Variants in ABI3BP observed in about 807,000 individuals in gnomAD.
ABI3BP encodes the protein target of Nesh-SH3.
ABI3BP carries 216 observed loss-of-function variants against 268.6 expected under a neutral mutation model. The ratio of observed to expected loss-of-function variants is 0.80; its 90% CI spans 0.72 to 0.90. The LOEUF (loss-of-function observed/expected upper bound fraction) is 0.90. Ranked by LOEUF, ABI3BP falls within the 40% of genes least tolerant of loss-of-function variation. ABI3BP has a pLI of 0.00. For missense variants in ABI3BP, 2,090 were observed against 2,182.4 expected (o/e 0.96, Z 0.84); for synonymous variants, 730 against 730.0 (o/e 1.00, Z 0.00).
chr3:100,885,695 T>C, intron 5 of ABI3BP, 107 bp from the exon 6 acceptor site: 1 of 617,516 alleles, frequency 1.6e-6, no homozygotes, highest in South Asian at 2.7e-5. Context: ...AACTTGGATG[T>C]ATAATTTTAA....
intron 10 of ABI3BP, among the ~76,000 whole-genome samples, chr3:100,865,661 G>A (rs2099043746): frequency 6.6e-6 from 1 of 152,212 alleles, no homozygotes. Flanking sequence ...GTAATAAGTT[G>A]TGGTGTTTTC....
chr3:100,830,142 TATATATATATATATATATATATAA>T (rs1210308693), intron 32 of ABI3BP, among the ~76,000 whole-genome samples: 4 of 62,696 alleles, frequency 6.4e-5, no homozygotes, highest in African/African-American at 1.8e-4. Context: ...TATATATATA[TATATATATATATATATATATATAA>T]AATGCAGATA....
intron 63 of ABI3BP, among the ~76,000 whole-genome samples, chr3:100,759,561 G>A (rs1432278586): frequency 1.3e-5 from 2 of 152,046 alleles, no homozygotes; most frequent in Non-Finnish European, 2.9e-5. Flanking sequence ...ACTTCTGTGG[G>A]GACACAAATT....
chr3:100,963,836 C>G (rs1378821271), intron 1 of ABI3BP, among the ~76,000 whole-genome samples: 1 of 152,156 alleles, frequency 6.6e-6, no homozygotes, highest in Non-Finnish European at 1.5e-5. Context: ...CATTCACTAA[C>G]CAGCCCTGAA....
At chr3:100,802,907 G>T (rs764124670) in intron 51 of ABI3BP, among the ~76,000 whole-genome samples, 3 of 146,010 alleles carry the variant, frequency 2.1e-5, no homozygotes, top group Non-Finnish European at 4.7e-5. Flanking sequence ...CAAAGTATTG[G>T]GTTCATTAGG....
At chr3:100,832,847 T>C (rs963937548) in intron 30 of ABI3BP, among the ~76,000 whole-genome samples, 1 of 152,192 alleles carries the variant, frequency 6.6e-6, no homozygotes, top group Non-Finnish European at 1.5e-5. Flanking sequence ...GTTGGTGCTC[T>C]AAATAAGGAA....
chr3:100,874,909 T>C lies in ABI3BP; in HGVS notation c.842A>G (p.Asn281Ser). The C allele has an allele frequency of 6.3e-7, 1 of 1,597,408 alleles. No individual in the cohort carries two copies. The highest frequency in any genetic ancestry group is 1.1e-5 in the South Asian group (1 of 88,334). Residue 281 changes from asparagine (N) to serine (S), a missense_variant, in exon 9 of 68, where the codon AAT becomes AGT. By Grantham distance (46) the Asn-to-Ser change is conservative. Transcript: ENST00000471714. ...TGCAGGAAGTTTTACAGTAGTTTCA[T>C]TAAGACCTGGAATAATAAGGTGGAC... ...ILVHLIIPGLNETTVKLPASL... is the reference protein window; with the variant it reads ...ILVHLIIPGLSETTVKLPASL...
chr3:100,879,103 C>T (rs1460117556), intron 6 of ABI3BP, among the ~76,000 whole-genome samples: 1 of 152,186 alleles, frequency 6.6e-6, no homozygotes, highest in Non-Finnish European at 1.5e-5. Flanking sequence ...TGCGATAGCA[C>T]TCTAAAGCTT....
intron 38 of ABI3BP, 94 bp downstream of exon 38, chr3:100,822,495 G>C (rs2098259944): frequency 9.6e-7 from 1 of 1,044,874 alleles, no homozygotes. Flanking sequence ...CCTCTCACAG[G>C]GGCCTATTGG....
At chr3:100,924,994 G>A (rs2061404282) in intron 2 of ABI3BP, among the ~76,000 whole-genome samples, 1 of 152,164 alleles carries the variant, frequency 6.6e-6, no homozygotes, top group Non-Finnish European at 1.5e-5. Flanking sequence ...ATTGAATAGA[G>A]TGGAGACTTC....
intron 49 of ABI3BP, among the ~76,000 whole-genome samples, chr3:100,808,869 C>T (rs1415056880): frequency 2.0e-5 from 3 of 151,918 alleles, no homozygotes; most frequent in Admixed American, 6.6e-5. Flanking sequence ...AAAAATCTAT[C>T]CTGCTGAAGG....
intron 6 of ABI3BP, among the ~76,000 whole-genome samples, chr3:100,879,610 C>A (rs367681112): frequency 2.0e-5 from 3 of 152,320 alleles, no homozygotes; most frequent in African/African-American, 7.2e-5. Flanking sequence ...ATGAATGGAA[C>A]AACGTTTCTG....
At chr3:100,895,812 C>G (rs991863043) in intron 4 of ABI3BP, among the ~76,000 whole-genome samples, 3 of 152,166 alleles carry the variant, frequency 2.0e-5, no homozygotes, top group Non-Finnish European at 4.4e-5. Flanking sequence ...GTAGATTTCT[C>G]CAAGTCTAGT....
At chr3:100,911,739 T>C (rs2153560169) in intron 2 of ABI3BP, 4 of 880,398 alleles carry the variant, frequency 4.5e-6, no homozygotes, top group Middle Eastern at 2.8e-4. Context: ...TTTCAAGGCA[T>C]GTTTCAGTCG....
At chr3:100,756,011 G>A (rs2095598385) in intron 63 of ABI3BP, among the ~76,000 whole-genome samples, 2 of 152,316 alleles carry the variant, frequency 1.3e-5, no homozygotes, top group South Asian at 4.1e-4. Context: ...TGATCACTGA[G>A]GTATTGTGTT....
intron 24 of ABI3BP, 96 bp from the exon 25 acceptor site, chr3:100,838,560 A>G: frequency 3.9e-6 from 4 of 1,032,964 alleles, no homozygotes; most frequent in Non-Finnish European, 5.8e-6. Flanking sequence ...ATATAAATTC[A>G]ACGAATCTAT....
In ABI3BP at chr3:100,866,875, T is replaced by G; in HGVS notation, c.988+4A>C. The stretch of plus-strand genomic sequence containing the variant: ...CAAGGTCAACAACATAGCGATCTCA[T>G]TACCTGTTGTGGGTCGTGCTGAGAT... On this transcript the variant is annotated splice_donor_region_variant and intron_variant, in intron 10 of 67. Coordinates refer to ENST00000471714, the MANE Select transcript of ABI3BP (RefSeq NM_001375547.2). 6.2e-7 allele frequency: 1 copy of G among 1,612,786 alleles called. No individual in the cohort carries two copies. Among genetic ancestry groups the G allele is most frequent in the Non-Finnish European group, 8.5e-7 (1 of 1,178,928 alleles).
chr3:100,771,953 T>C (rs1307418302), intron 61 of ABI3BP, among the ~76,000 whole-genome samples: 1 of 152,066 alleles, frequency 6.6e-6, no homozygotes, highest in Non-Finnish European at 1.5e-5. Context: ...TATATGCCAG[T>C]CATAATCAAG....
intron 1 of ABI3BP, among the ~76,000 whole-genome samples, chr3:100,981,243 TA>T (rs5851239): frequency 2.2e-4 from 33 of 149,526 alleles, no homozygotes; most frequent in Admixed American, 5.3e-4. Flanking sequence ...ACTTTTGCCT[TA>T]AAAAAAAAAA....
Sources: gnomAD v4.1 joint callset for allele counts (sites outside exome capture counted in the v4.1 genomes callset) on GRCh38, gnomAD v4.1.1 for gene constraint, MANE v1.5 for transcripts, NCBI Gene and HGNC (gene_info 2026-07-23, HGNC 2026-07-21) for gene names.